CDH1: variants seen among roughly 807,000 people sequenced by gnomAD.
CDH1 encodes cadherin 1, also known as cadherin-1.
A neutral mutation model predicts 84.5 loss-of-function variants in CDH1; 35 were observed. The ratio of observed to expected loss-of-function variants is 0.41; its 90% CI spans 0.32 to 0.55. The LOEUF (loss-of-function observed/expected upper bound fraction) is 0.55, where lower values mean the gene tolerates loss of function less well. Ranked by LOEUF, CDH1 falls within the 20% of genes least tolerant of loss-of-function variation. CDH1 has a pLI of 0.19. For missense variants in CDH1, 994 were observed against 1,126.6 expected (o/e 0.88, Z 1.68); for synonymous variants, 417 against 439.0 (o/e 0.95, Z 0.63).
intron 13 of CDH1, among the ~76,000 whole-genome samples, 178 bp downstream of exon 13, chr16:68,823,804 A>G (rs983833486): frequency 6.6e-6 from 1 of 152,118 alleles, no homozygotes; most frequent in Non-Finnish European, 1.5e-5. Flanking sequence ...TGAACATTTC[A>G]GAGGTAAATG....
intron 11 of CDH1, among the ~76,000 whole-genome samples, chr16:68,821,006 T>G (rs1961128086): frequency 1.3e-5 from 2 of 152,174 alleles, no homozygotes; most frequent in Non-Finnish European, 2.9e-5. Flanking sequence ...GAAAAAAGTT[T>G]TAAAAATTTA....
intron 12 of CDH1, 96 bp downstream of exon 12, chr16:68,822,321 G>T: frequency 1.2e-6 from 1 of 828,922 alleles, no homozygotes; most frequent in East Asian, 2.6e-5. Flanking sequence ...TCAACTTCTA[G>T]ATGTCACCCC....
At chr16:68,757,913 C>T (rs1168571709) in intron 2 of CDH1, among the ~76,000 whole-genome samples, 1 of 151,576 alleles carries the variant, frequency 6.6e-6, no homozygotes, top group Non-Finnish European at 1.5e-5. Flanking sequence ...ATCCTCCCAC[C>T]TCAGCCTCCC....
chr16:68,753,632 C>T (rs967300166), intron 2 of CDH1, among the ~76,000 whole-genome samples: 7 of 152,132 alleles, frequency 4.6e-5, no homozygotes, highest in Non-Finnish European at 8.8e-5. Flanking sequence ...CCACCGCGCC[C>T]GGCACATCTT....
At chr16:68,820,304 A>G (rs139237293) in intron 11 of CDH1, among the ~76,000 whole-genome samples, 1 of 152,174 alleles carries the variant, frequency 6.6e-6, no homozygotes, top group Non-Finnish European at 1.5e-5. Flanking sequence ...ATGGTTTACA[A>G]TCCATTTCCA....
intron 2 of CDH1, among the ~76,000 whole-genome samples, chr16:68,775,707 T>G (rs1388539014): frequency 6.6e-6 from 1 of 152,208 alleles, no homozygotes; most frequent in Non-Finnish European, 1.5e-5. Context: ...CATTTCTACA[T>G]CTGAAGCGTC....
At chr16:68,825,118 A>T (rs1961284234) in intron 13 of CDH1, among the ~76,000 whole-genome samples, 2 of 152,140 alleles carry the variant, frequency 1.3e-5, no homozygotes, top group Admixed American at 6.5e-5. Context: ...TATTAAAAAA[A>T]ATTTTTTAAA....
At chr16:68,829,069 C>G (rs1233715631) in intron 14 of CDH1, among the ~76,000 whole-genome samples, 1 of 152,166 alleles carries the variant, frequency 6.6e-6, no homozygotes, top group Non-Finnish European at 1.5e-5. Context: ...ACATGCGTAT[C>G]TTTCTCATGT....
chr16:68,755,430 TAGAG>T (rs908513695), intron 2 of CDH1, among the ~76,000 whole-genome samples: 10 of 152,028 alleles, frequency 6.6e-5, no homozygotes, highest in African/African-American at 1.7e-4. Context: ...TTAAAATAAA[TAGAG>T]AGGGTCTTGT....
intron 2 of CDH1, among the ~76,000 whole-genome samples, chr16:68,750,828 C>T (rs1198847917): frequency 6.6e-6 from 1 of 151,890 alleles, no homozygotes; most frequent in African/African-American, 2.4e-5. Context: ...CCTCAGCCTC[C>T]CAAGTAGCTG....
chr16:68,819,458 C>A (rs2152137079), intron 11 of CDH1, 33 bp downstream of exon 11: 1 of 1,609,318 alleles, frequency 6.2e-7, no homozygotes, highest in South Asian at 1.1e-5. Flanking sequence ...TTTGCTGCCT[C>A]GACCTCCTAG....
At chr16:68,786,532 TTC>T (rs1465570926) in intron 2 of CDH1, among the ~76,000 whole-genome samples, 7 of 122,748 alleles carry the variant, frequency 5.7e-5, no homozygotes, top group Admixed American at 9.7e-5. Flanking sequence ...TTTTTTTTTT[TTC>T]TTTTTTTTTT....
At chr16:68,753,402 A>G (rs908687823) in intron 2 of CDH1, among the ~76,000 whole-genome samples, 2 of 151,328 alleles carry the variant, frequency 1.3e-5, no homozygotes, top group Non-Finnish European at 2.9e-5. Flanking sequence ...GCTGGAGGGC[A>G]GTGGTGCAAT....
chr16:68,771,084 G>A (rs1959559734), intron 2 of CDH1: 1 of 152,148 alleles, frequency 6.6e-6, no homozygotes, highest in Non-Finnish European at 1.5e-5. Flanking sequence ...TTTCTTCCAT[G>A]GACACGGCTA....
Position 68,738,294 on chromosome 16 carries a change from C to T in CDH1, c.49-3C>T, listed in dbSNP as rs587782366. 10 of 1,541,756 alleles carry T rather than the reference C, an allele frequency of 6.5e-6. No individual in the cohort carries two copies. In the African/African-American group the frequency reaches 1.1e-4, roughly 17 times the overall value. ...GGTTCCATCTACCTTTCCCCCACCC[C>T]AGGTCTCCTCTTGGCTCTGCCAGGA... On this transcript the variant is annotated splice_polypyrimidine_tract_variant and splice_region_variant and intron_variant, in intron 1 of 15. Transcript: ENST00000261769.
chr16:68,770,199 G>A (rs961904343), intron 2 of CDH1, among the ~76,000 whole-genome samples: 1 of 152,132 alleles, frequency 6.6e-6, no homozygotes, highest in Non-Finnish European at 1.5e-5. Context: ...CCACCACCAG[G>A]TGTGTGCTCT....
intron 13 of CDH1, among the ~76,000 whole-genome samples, chr16:68,825,248 G>A (rs1300883706): frequency 1.3e-5 from 2 of 152,170 alleles, no homozygotes; most frequent in African/African-American, 4.8e-5. Context: ...CAGTTTTGTG[G>A]AAGATGTAAG....
chr16:68,799,990 A>G (rs1319937914), intron 2 of CDH1, among the ~76,000 whole-genome samples: 1 of 151,624 alleles, frequency 6.6e-6, no homozygotes, highest in Non-Finnish European at 1.5e-5. Flanking sequence ...AGCCTCGGCA[A>G]CAGAGCGAGA....
intron 8 of CDH1, among the ~76,000 whole-genome samples, chr16:68,812,839 A>G (rs1482299044): frequency 6.6e-6 from 1 of 152,156 alleles, no homozygotes; most frequent in East Asian, 1.9e-4. Flanking sequence ...ATGGAGTTTG[A>G]GACCAGCCTG....
Sources: gnomAD v4.1 joint callset for allele counts (sites outside exome capture counted in the v4.1 genomes callset) on GRCh38, gnomAD v4.1.1 for gene constraint, MANE v1.5 for transcripts, NCBI Gene and HGNC (gene_info 2026-07-23, HGNC 2026-07-21) for gene names.